The following USP3 variants were observed in gnomAD, a reference collection of about 807,000 sequenced individuals.
USP3 encodes ubiquitin specific peptidase 3.
USP3 carries 20 observed loss-of-function variants against 72.3 expected under a neutral mutation model. The observed-to-expected ratio is 0.28, with a 90% CI of 0.19 to 0.40. The LOEUF (loss-of-function observed/expected upper bound fraction) is 0.40, where lower values mean the gene tolerates loss of function less well. Ranked by LOEUF, USP3 falls within the 10% of genes least tolerant of loss-of-function variation. The pLI is 1.00. For synonymous variants in USP3, 222 were observed against 225.3 expected, an observed-to-expected ratio of 0.99 and a Z score of 0.13; for missense variants, 479 against 633.9, an observed-to-expected ratio of 0.76 and a Z score of 2.62.
At chr15:63,532,770 A>C in intron 2 of USP3, 63 bp downstream of exon 2, 2 of 1,545,072 alleles carry the variant, frequency 1.3e-6, no homozygotes, top group South Asian at 2.3e-5. Context: ...TTTAAGCTTT[A>C]TGTCAGAGTT....
chr15:63,521,649 T>A (rs2065921995), intron 1 of USP3, among the ~76,000 whole-genome samples: 2 of 152,302 alleles, frequency 1.3e-5, no homozygotes, highest in South Asian at 4.1e-4. Context: ...CAGTTAACTG[T>A]TCCTTGTACA....
chr15:63,531,522 A>G (rs144574906), intron 1 of USP3, among the ~76,000 whole-genome samples: 1 of 152,312 alleles, frequency 6.6e-6, no homozygotes, highest in East Asian at 1.9e-4. Flanking sequence ...GCTATTAAAC[A>G]GTGTTTCAGT....
Position 63,525,757 on chromosome 15 carries a change from T to C in USP3, c.92-6890T>C, listed in dbSNP as rs561216583. On this transcript the variant is annotated intron_variant, in intron 1 of 14. Transcript: ENST00000380324. Reference sequence around the variant, plus strand: ...ATCTAAAAATGTTTCATTTGGAAGGTAAGTTAGGTCCGTCTGGAATATATT... The same window carrying C: ...ATCTAAAAATGTTTCATTTGGAAGGCAAGTTAGGTCCGTCTGGAATATATT... Among the ~76,000 whole-genome samples, 115 of 152,330 alleles carry C rather than the reference T, an allele frequency of 7.5e-4. 3 individuals carry two copies. The South Asian group carries it at 0.023, about 31-fold the overall frequency.
Position 63,589,937 on chromosome 15 carries a change from ATTC to A in USP3, c.1398-721_1398-719del, listed in dbSNP as rs565386164. Reference sequence around the variant, plus strand: ...TCTGACAACTTTTTCGTAACAGCCTATTCTTGTTTTATGATTGCACTATCTTTT... The same window carrying A: ...TCTGACAACTTTTTCGTAACAGCCTATTGTTTTATGATTGCACTATCTTTT... On this transcript the variant is annotated intron_variant, in intron 14 of 14. Transcript: ENST00000380324. Among the ~76,000 whole-genome samples, 168 of 152,170 alleles carry A rather than the reference ATTC, an allele frequency of 1.1e-3. 1 individual carries two copies. Among genetic ancestry groups the A allele is most frequent in the African/African-American group, 4.0e-3 (164 of 41,504 alleles).
rs556275423 is a variant in USP3, at chr15:63,534,336, G to A, written c.152+1629G>A. On this transcript the variant is annotated intron_variant, in intron 2 of 14. Coordinates refer to ENST00000380324, the MANE Select transcript of USP3 (RefSeq NM_006537.4). ...TAGACTGCTTGTCTTTAGGGAAATC[G>A]TAAAGTGAATATTCTTCCCACTAGG... Among the ~76,000 whole-genome samples the A allele has an allele frequency of 3.9e-5, 6 of 152,200 alleles. No homozygotes were observed. In the South Asian group the frequency reaches 1.0e-3, roughly 26 times the overall value.
intron 1 of USP3, among the ~76,000 whole-genome samples, chr15:63,521,988 C>T (rs2065926378): frequency 1.3e-5 from 2 of 152,188 alleles, no homozygotes; most frequent in African/African-American, 4.8e-5. Flanking sequence ...GTTGCCCAGG[C>T]TGGAGTGCAG....
intron 8 of USP3, among the ~76,000 whole-genome samples, chr15:63,569,594 C>G (rs1214101627): frequency 6.6e-6 from 1 of 152,132 alleles, no homozygotes; most frequent in Non-Finnish European, 1.5e-5. Flanking sequence ...AAAATGCAGA[C>G]AGAAGTTTTT....
intron 6 of USP3, 71 bp downstream of exon 6, chr15:63,558,259 G>C (rs527977733): frequency 2.4e-5 from 37 of 1,510,258 alleles, no homozygotes; most frequent in East Asian, 2.0e-4. Flanking sequence ...TCCCTATCTC[G>C]TCTGCCACTA....
intron 11 of USP3, among the ~76,000 whole-genome samples, chr15:63,579,845 CTT>C (rs1164042040): frequency 6.6e-6 from 1 of 152,054 alleles, no homozygotes; most frequent in Admixed American, 6.5e-5. Flanking sequence ...TTAATCCTCA[CTT>C]ATATTCAAGA....
chr15:63,566,221 T>C lies in USP3; in HGVS notation c.761+3213T>C, dbSNP rs564744126. 7.9e-5 allele frequency among the ~76,000 whole-genome samples: 12 copies of C among 152,310 alleles called. No individual in the cohort carries two copies. The South Asian group carries it at 2.5e-3, about 32-fold the overall frequency. ...GGGTAAATAATCATTGGCACATAAT[T>C]CTTATATTTGCTTGCTCTTCTCAGG... On this transcript the variant is annotated intron_variant, in intron 8 of 14. Coordinates refer to ENST00000380324, the MANE Select transcript of USP3 (RefSeq NM_006537.4).
Position 63,590,870 on chromosome 15 carries a change from T to G in USP3, c.*44T>G. 2.0e-6 allele frequency: 3 copies of G among 1,527,230 alleles called. No individual in the cohort carries two copies. In the South Asian group the frequency reaches 3.8e-5, roughly 19 times the overall value. 94.6% of individuals were successfully genotyped at this position (1,527,230 alleles called of 1,614,324 possible). A position where few individuals can be genotyped will look rare whatever the true frequency, so the allele number is the denominator to read the frequency against. On this transcript the variant is annotated 3_prime_UTR_variant, in exon 15 of 15. Coordinates refer to ENST00000380324, the MANE Select transcript of USP3 (RefSeq NM_006537.4). ...ATTCACCAACCATACCAGAGAAACATTTCCAGTTTTCCACAAATACTTGAT... is the reference window on the plus strand; with the variant it reads ...ATTCACCAACCATACCAGAGAAACAGTTCCAGTTTTCCACAAATACTTGAT...
At chr15:63,562,423 C>T (rs1250441276) in intron 7 of USP3, among the ~76,000 whole-genome samples, 1 of 152,206 alleles carries the variant, frequency 6.6e-6, no homozygotes, top group Non-Finnish European at 1.5e-5. Flanking sequence ...ATGAGAAAAT[C>T]TGACTTTTGG....
At chr15:63,583,684 T>C (rs2067003453) in intron 11 of USP3, among the ~76,000 whole-genome samples, 1 of 152,252 alleles carries the variant, frequency 6.6e-6, no homozygotes, top group Non-Finnish European at 1.5e-5. Context: ...GTATCCTCTA[T>C]GAATTTGTCT....
intron 3 of USP3, among the ~76,000 whole-genome samples, chr15:63,552,852 G>C (rs2066455975): frequency 6.6e-6 from 1 of 152,140 alleles, no homozygotes; most frequent in Admixed American, 6.5e-5. Flanking sequence ...CAGAATGGCA[G>C]TGTTATTTTT....
chr15:63,515,935 A>C (rs16947184), intron 1 of USP3, among the ~76,000 whole-genome samples: 1,569 of 152,180 alleles, frequency 0.01, 29 homozygotes, highest in African/African-American at 0.036. Flanking sequence ...ATTCTAACCA[A>C]TGCTCTGTTA....
Position 63,588,604 on chromosome 15 carries a change from C to A in USP3, c.1216-98C>A. The A allele has an allele frequency of 2.0e-6, 2 of 994,400 alleles. No homozygotes were observed. The highest frequency in any genetic ancestry group is 3.1e-6 in the Non-Finnish European group (2 of 648,132). 61.6% of individuals were successfully genotyped at this position (994,400 alleles called of 1,614,324 possible). A position where few individuals can be genotyped will look rare whatever the true frequency, so the allele number is the denominator to read the frequency against. ...ATGCATGGAAGAATGATTGATAGGG[C>A]AGCTAAAATGTTATTTACTGAACTG... On this transcript the variant is annotated intron_variant, in intron 12 of 14. Transcript: ENST00000380324. This position sits in a 1 kb window ranked among gnomAD's most constrained non-coding sequence, Gnocchi z 4.6.
chr15:63,553,363 G>T lies in USP3; in HGVS notation c.285-352G>T, dbSNP rs1229519556. 1 of 160,812 alleles carries T rather than the reference G, an allele frequency of 6.2e-6. No homozygotes were observed. The highest frequency in any genetic ancestry group is 1.4e-5 in the Non-Finnish European group (1 of 74,050). The allele number at this position is 160,812 out of a possible 1,614,324, so 10.0% of individuals were successfully genotyped here. Reference sequence around the variant, plus strand: ...GGGAAGTGTCAACTTAAAGCTTTAGGCTTAATGCTACATGAAAAGACTCGG... The same window carrying T: ...GGGAAGTGTCAACTTAAAGCTTTAGTCTTAATGCTACATGAAAAGACTCGG... On this transcript the variant is annotated intron_variant, in intron 3 of 14. Transcript: ENST00000380324. The surrounding 1 kb of genome is among the most constrained non-coding windows in gnomAD (Gnocchi z 4.2).
intron 11 of USP3, among the ~76,000 whole-genome samples, chr15:63,583,072 G>C (rs2066992405): frequency 6.6e-6 from 1 of 152,156 alleles, no homozygotes; most frequent in South Asian, 2.1e-4. Flanking sequence ...CCACACACGG[G>C]GAGACCCCTT....
In USP3 at chr15:63,590,765, C is replaced by G; in HGVS notation, c.1502C>G (p.Ala501Gly). The G allele has an allele frequency of 6.2e-7, 1 of 1,613,984 alleles. No homozygotes were observed. The highest frequency in any genetic ancestry group is 8.5e-7 in the Non-Finnish European group (1 of 1,179,954). ...TLTDEETVVK[A>G]KAYILFYVEH... is the part of the protein sequence containing the mutation. ...ACTGACGAGGAGACTGTGGTGAAGG[C>G]GAAGGCCTACATCCTTTTCTACGTG... The change falls in exon 15 of 15, where the codon GCG becomes GGG. Residue 501 changes from alanine to glycine, a missense_variant. Physicochemically the swap from Ala to Gly is moderately conservative, Grantham distance 60. Coordinates refer to ENST00000380324, the MANE Select transcript of USP3 (RefSeq NM_006537.4).
Sources: allele counts gnomAD v4.1 joint callset (sites outside exome capture counted in the v4.1 genomes callset), GRCh38; gene constraint gnomAD v4.1.1; non-coding constraint Gnocchi (gnomAD v3.1); transcripts MANE v1.5; gene names NCBI Gene and HGNC (gene_info 2026-07-23, HGNC 2026-07-21).